ARFGEF1: variants seen among roughly 807,000 people sequenced by gnomAD.
ARFGEF1 encodes the protein brefeldin A-inhibited guanine nucleotide-exchange protein 1.
In ARFGEF1, 42 loss-of-function variants were observed where a neutral mutation model predicts 231.0. The observed-to-expected ratio is 0.18, with a 90% confidence interval of 0.14 to 0.24. The LOEUF (loss-of-function observed/expected upper bound fraction) is 0.24, where lower values mean the gene tolerates loss of function less well. Ranked by LOEUF, ARFGEF1 falls within the 10% of genes least tolerant of loss-of-function variation. The pLI, the probability that ARFGEF1 is intolerant of heterozygous loss-of-function variation, is 1.00. For missense variants in ARFGEF1, 1,345 were observed against 2,192.0 expected, an observed-to-expected ratio of 0.61 and a Z score of 7.72; for synonymous variants, 710 against 732.3, an observed-to-expected ratio of 0.97 and a Z score of 0.49.
intron 10 of ARFGEF1, among the ~76,000 whole-genome samples, chr8:67,269,717 A>G (rs1587176191): frequency 6.6e-6 from 1 of 151,938 alleles, no homozygotes; most frequent in Admixed American, 6.6e-5. Flanking sequence ...ATCTCATTTT[A>G]CCCTCATTAT....
chr8:67,177,700 AGTGCT>A, intron 5 of ARFGEF1: 1 of 1,612,224 alleles, frequency 6.2e-7, no homozygotes, highest in Non-Finnish European at 8.5e-7. Flanking sequence ...TGCCATCCCA[AGTGCT>A]AAAGTACGAG....
Position 67,301,202 on chromosome 8 carries a change from G to C in ARFGEF1, c.312+22C>G, listed in dbSNP as rs770435035. The C allele has an allele frequency of 6.4e-6, 10 of 1,564,168 alleles. No individual in the cohort carries two copies. The Middle Eastern group carries it at 6.9e-4, about 108-fold the overall frequency. ...ACACATTCAAAGTACACAGTTTTTAGAAAGTGCCATTTTAGACATACCTGT... is the reference window on the plus strand; with the variant it reads ...ACACATTCAAAGTACACAGTTTTTACAAAGTGCCATTTTAGACATACCTGT... On this transcript the variant is annotated intron_variant, in intron 3 of 38. Coordinates refer to ENST00000262215, the MANE Select transcript of ARFGEF1 (RefSeq NM_006421.5).
In ARFGEF1 at chr8:67,277,966, G is replaced by GAA. The variant is rs554333000; in HGVS notation, c.1028-511_1028-510dup. ...CCCTTCCCGTTTTTAGAATTCCTAT[G>GAA]AATATCTCTAACAATTTATGTTCTT... On this transcript the variant is annotated intron_variant, in intron 7 of 38. Coordinates refer to ENST00000262215, the MANE Select transcript of ARFGEF1 (RefSeq NM_006421.5). Among the ~76,000 whole-genome samples, 1,298 of 152,190 alleles carry GAA rather than the reference G, an allele frequency of 8.5e-3. 12 individuals carry two copies. Among genetic ancestry groups the GAA allele is most frequent in the Middle Eastern group, 0.034 (10 of 294 alleles).
Position 67,238,398 on chromosome 8 carries a change from T to A in ARFGEF1, c.3234A>T (p.Gly1078=). 5 of 1,613,716 alleles carry A rather than the reference T, an allele frequency of 3.1e-6. No individual in the cohort carries two copies. The highest frequency in any genetic ancestry group is 1.1e-5 in the South Asian group (1 of 91,002). The change falls in exon 22 of 39, where the codon GGA becomes GGT. Residue 1078 remains glycine (G), a synonymous_variant. Transcript: ENST00000262215. ...YISGTVRGRE[G]SLTGTKDQAP... ...CCTGATCTTTTGTTCCAGTAAGAGA[T>A]CCTTCTCTGCCTCGCACTGTTCCAG...
At chr8:67,265,009 T>G (rs1804792443) in intron 14 of ARFGEF1, among the ~76,000 whole-genome samples, 1 of 152,214 alleles carries the variant, frequency 6.6e-6, no homozygotes, top group Non-Finnish European at 1.5e-5. Flanking sequence ...CATATTTGTT[T>G]ACACACACTA....
At chr8:67,272,625 A>G (rs1805143903) in intron 9 of ARFGEF1, among the ~76,000 whole-genome samples, 2 of 152,196 alleles carry the variant, frequency 1.3e-5, no homozygotes. Flanking sequence ...ATTAAATGCC[A>G]TATTTAGTAT....
rs184209741 is a variant in ARFGEF1, at chr8:67,294,753, G to A, written c.639+1678C>T. The stretch of plus-strand genomic sequence containing the variant: ...TACAGGTGTAGGAATTGAGTGGGAC[G>A]GAAGGGATAGTATATAAACATATAT... On this transcript the variant is annotated intron_variant, in intron 5 of 38. Transcript: ENST00000262215. Among the ~76,000 whole-genome samples, 414 of 152,176 alleles carry A rather than the reference G, an allele frequency of 2.7e-3. 2 individuals carry two copies. The highest frequency in any genetic ancestry group is 9.7e-3 in the African/African-American group (402 of 41,516).
intron 5 of ARFGEF1, among the ~76,000 whole-genome samples, chr8:67,191,572 G>C (rs1051545256): frequency 6.6e-6 from 1 of 152,156 alleles, no homozygotes; most frequent in African/African-American, 2.4e-5. Flanking sequence ...TTCTTTTGAA[G>C]GTCATTCATG....
At position 67,343,335 on chromosome 8, in the gene ARFGEF1, G is replaced by C; in HGVS notation, c.-48C>G. The C allele has an allele frequency of 6.2e-7, 1 of 1,606,372 alleles. No individual in the cohort carries two copies. Among genetic ancestry groups the C allele is most frequent in the Non-Finnish European group, 8.5e-7 (1 of 1,175,306 alleles). ...GCTCGTCCGACCCGCGGCTCCCAGC[G>C]GCTGGAGGGGAGGAGGAGGAGAGGA... is the stretch of plus-strand genomic sequence containing the variant. On this transcript the variant is annotated 5_prime_UTR_variant, in exon 1 of 39. Transcript: ENST00000262215.
intron 7 of ARFGEF1, among the ~76,000 whole-genome samples, chr8:67,284,327 AC>A (rs1037903655): frequency 2.0e-5 from 3 of 151,970 alleles, no homozygotes; most frequent in Non-Finnish European, 2.9e-5. Context: ...CAACCCCCTA[AC>A]CCCCAGAGAT....
chr8:67,343,113 CTCCCCG>C, intron 1 of ARFGEF1, 45 bp downstream of exon 1: 1 of 980,742 alleles, frequency 1.0e-6, no homozygotes, highest in African/African-American at 1.6e-5. Context: ...AGGCGCCCCC[CTCCCCG>C]CCCCACAACA....
At chr8:67,299,687 T>G (rs1806390830) in intron 3 of ARFGEF1, among the ~76,000 whole-genome samples, 1 of 152,236 alleles carries the variant, frequency 6.6e-6, no homozygotes, top group Admixed American at 6.5e-5. Context: ...GGCTCATGCC[T>G]GTAATCCCAG....
intron 33 of ARFGEF1, among the ~76,000 whole-genome samples, chr8:67,213,613 T>G (rs1838825323): frequency 6.6e-6 from 1 of 152,250 alleles, no homozygotes; most frequent in Non-Finnish European, 1.5e-5. Flanking sequence ...ATTAATTCAA[T>G]TAAACACTAT....
chr8:67,309,233 GA>G (rs570827951), intron 1 of ARFGEF1, among the ~76,000 whole-genome samples: 482 of 152,306 alleles, frequency 3.2e-3, no homozygotes, highest in Non-Finnish European at 5.4e-3. Flanking sequence ...AAGTAGAGTA[GA>G]ATGAGGGTTA....
At chr8:67,233,011 G>T in intron 22 of ARFGEF1, 66 bp from the exon 23 acceptor site, 1 of 1,279,896 alleles carries the variant, frequency 7.8e-7, no homozygotes, top group Non-Finnish European at 1.1e-6. Context: ...CACTTAACAA[G>T]TTCTAAAACA....
At chr8:67,226,989 T>G in intron 27 of ARFGEF1, 148 bp downstream of exon 27, 1 of 633,006 alleles carries the variant, frequency 1.6e-6, no homozygotes, top group Non-Finnish European at 2.5e-6. Context: ...TAATAGTAAT[T>G]TAATTGTTTT....
chr8:67,262,553 G>C (rs1804679476), intron 14 of ARFGEF1, among the ~76,000 whole-genome samples: 1 of 152,226 alleles, frequency 6.6e-6, no homozygotes, highest in African/African-American at 2.4e-5. Flanking sequence ...ACATATTACT[G>C]TAGGTAAATA....
chr8:67,205,333 C>T (rs1838474742), intron 34 of ARFGEF1, among the ~76,000 whole-genome samples: 1 of 152,136 alleles, frequency 6.6e-6, no homozygotes. Context: ...TGGTCTGGGT[C>T]CCCTGGGACT....
chr8:67,185,355 A>G (rs1834293728), intron 5 of ARFGEF1, among the ~76,000 whole-genome samples: 1 of 152,240 alleles, frequency 6.6e-6, no homozygotes, highest in African/African-American at 2.4e-5. Flanking sequence ...GATAATGATG[A>G]AAATGAGCAC....
Sources: allele counts gnomAD v4.1 joint callset (sites outside exome capture counted in the v4.1 genomes callset), GRCh38; gene constraint gnomAD v4.1.1; transcripts MANE v1.5; gene names NCBI Gene and HGNC (gene_info 2026-07-23, HGNC 2026-07-21).